PTPRG: variants seen among roughly 807,000 people sequenced by gnomAD.
PTPRG encodes protein tyrosine phosphatase receptor type G.
Under a neutral mutation model 165.3 loss-of-function variants are expected in PTPRG, and 102 were observed. That is an observed-to-expected ratio of 0.62 (90% CI 0.53 to 0.73). PTPRG has a LOEUF of 0.73. Among genes scored for constraint, PTPRG ranks in the 30% least tolerant of loss-of-function variants. The probability of loss-of-function intolerance (pLI) is 0.00; values close to 1 mark genes in which losing one functional copy is unlikely to be tolerated. For missense variants in PTPRG, 1,866 were observed against 1,861.4 expected, an observed-to-expected ratio of 1.00 and a Z score of -0.05; for synonymous variants, 675 against 669.5, an observed-to-expected ratio of 1.01 and a Z score of -0.13.
At chr3:61,602,487 A>G (rs1038432718) in intron 1 of PTPRG, among the ~76,000 whole-genome samples, 6 of 152,216 alleles carry the variant, frequency 3.9e-5, no homozygotes, top group Non-Finnish European at 8.8e-5. Context: ...TTGTTCATCA[A>G]GGAGAGAGGA....
intron 1 of PTPRG, among the ~76,000 whole-genome samples, chr3:61,612,316 T>G (rs1701193428): frequency 6.6e-6 from 1 of 152,226 alleles, no homozygotes. Context: ...AGAGGTTCTC[T>G]GGTGAGCTTC....
At chr3:61,889,574 G>GC (rs1198885652) in intron 2 of PTPRG, among the ~76,000 whole-genome samples, 1 of 152,070 alleles carries the variant, frequency 6.6e-6, no homozygotes, top group Admixed American at 6.5e-5. Context: ...TTTTTATGTT[G>GC]CCCATATGAA....
chr3:62,019,123 C>G (rs914301669), intron 4 of PTPRG, among the ~76,000 whole-genome samples: 1 of 152,194 alleles, frequency 6.6e-6, no homozygotes, highest in African/African-American at 2.4e-5. Context: ...TCATCTGTTT[C>G]ACATAATTCA....
intron 1 of PTPRG, among the ~76,000 whole-genome samples, chr3:61,644,552 A>G (rs1039035666): frequency 2.0e-5 from 3 of 152,162 alleles, no homozygotes; most frequent in African/African-American, 4.8e-5. Context: ...CTCCATCACT[A>G]AGGATACGCA....
chr3:62,287,668 A>AAAAACAGAATAAAGTATTCAGTTCT (rs1559767517), intron 28 of PTPRG, among the ~76,000 whole-genome samples: 1 of 152,130 alleles, frequency 6.6e-6, no homozygotes, highest in East Asian at 1.9e-4. Flanking sequence ...GAGGTTTTCT[A>AAAAACAGAATAAAGTATTCAGTTCT]AAAACAGAAT....
At chr3:62,088,036 G>A (rs1043711006) in intron 5 of PTPRG, among the ~76,000 whole-genome samples, 25 of 152,184 alleles carry the variant, frequency 1.6e-4, no homozygotes, top group Non-Finnish European at 4.4e-5. Flanking sequence ...GTGAGTGAAT[G>A]GGGTAAAGAT....
intron 2 of PTPRG, among the ~76,000 whole-genome samples, chr3:61,929,415 T>C (rs1434776739): frequency 6.6e-6 from 1 of 152,244 alleles, no homozygotes; most frequent in Non-Finnish European, 1.5e-5. Context: ...CCAGTGATTT[T>C]CAAGTGACCC....
intron 16 of PTPRG, among the ~76,000 whole-genome samples, chr3:62,256,323 G>GGCTATCATA (rs1379223666): frequency 3.9e-5 from 6 of 152,064 alleles, no homozygotes; most frequent in African/African-American, 1.4e-4. Context: ...AATCCCAAAA[G>GGCTATCATA]GCTATCATAA....
chr3:61,746,303 C>T (rs1319446651), intron 1 of PTPRG, among the ~76,000 whole-genome samples: 1 of 151,104 alleles, frequency 6.6e-6, no homozygotes, highest in Admixed American at 6.6e-5. Flanking sequence ...ACTGCAAGCC[C>T]CGCCTCCCAG....
At chr3:62,225,441 CT>C (rs1352336561) in intron 13 of PTPRG, among the ~76,000 whole-genome samples, 1 of 151,832 alleles carries the variant, frequency 6.6e-6, no homozygotes, top group East Asian at 1.9e-4. Context: ...ATTAGTTGTG[CT>C]GTAGAATAGC....
intron 1 of PTPRG, among the ~76,000 whole-genome samples, chr3:61,727,019 C>T (rs1043756374): frequency 1.3e-5 from 2 of 150,732 alleles, no homozygotes; most frequent in Non-Finnish European, 2.9e-5. Context: ...TGCAGTCCAG[C>T]CTGGGCAACA....
At chr3:61,688,838 T>A (rs767255158) in intron 1 of PTPRG, among the ~76,000 whole-genome samples, 2 of 152,210 alleles carry the variant, frequency 1.3e-5, no homozygotes, top group Non-Finnish European at 2.9e-5. Context: ...GCCTTGTCAG[T>A]AGAAGAAGCT....
At chr3:61,776,010 T>C (rs950859092) in intron 2 of PTPRG, among the ~76,000 whole-genome samples, 1 of 151,490 alleles carries the variant, frequency 6.6e-6, no homozygotes, top group African/African-American at 2.4e-5. Context: ...CACACCAACA[T>C]GGCACATGTA....
At chr3:61,940,789 A>G (rs889308451) in intron 2 of PTPRG, among the ~76,000 whole-genome samples, 1 of 151,766 alleles carries the variant, frequency 6.6e-6, no homozygotes, top group African/African-American at 2.4e-5. Flanking sequence ...TCAGCCTCCC[A>G]AGTAGCTGGG....
At chr3:61,673,679 T>G (rs1703112369) in intron 1 of PTPRG, among the ~76,000 whole-genome samples, 2 of 152,196 alleles carry the variant, frequency 1.3e-5, no homozygotes, top group South Asian at 2.1e-4. Context: ...CTTGGGACTT[T>G]TAGGGTATCC....
chr3:61,856,405 T>C (rs947417529), intron 2 of PTPRG, among the ~76,000 whole-genome samples: 3 of 152,170 alleles, frequency 2.0e-5, no homozygotes, highest in Non-Finnish European at 4.4e-5. Flanking sequence ...TTTTAAGCTC[T>C]AGCATAAGAA....
intron 2 of PTPRG, among the ~76,000 whole-genome samples, chr3:61,818,434 G>A (rs950146168): frequency 4.6e-5 from 7 of 152,138 alleles, no homozygotes; most frequent in African/African-American, 1.7e-4. Flanking sequence ...GCAAGAGCAA[G>A]TAGAGGAGGA....
intron 1 of PTPRG, among the ~76,000 whole-genome samples, chr3:61,711,366 G>C (rs951473925): frequency 7.9e-5 from 12 of 152,182 alleles, no homozygotes; most frequent in African/African-American, 2.4e-4. Flanking sequence ...TACAATGGTT[G>C]AACTAATTCA....
intron 1 of PTPRG, among the ~76,000 whole-genome samples, chr3:61,566,574 C>T (rs776659735): frequency 2.6e-5 from 4 of 152,186 alleles, no homozygotes; most frequent in Non-Finnish European, 4.4e-5. Context: ...GTAGTGAGAT[C>T]CTAGCTCATT....
Sources: allele counts gnomAD v4.1 joint callset (sites outside exome capture counted in the v4.1 genomes callset), GRCh38; gene constraint gnomAD v4.1.1; transcripts MANE v1.5; gene names NCBI Gene and HGNC (gene_info 2026-07-23, HGNC 2026-07-21).